Variants in WLS observed in about 807,000 individuals in gnomAD.
WLS encodes the protein Wnt ligand secretion mediator.
A neutral mutation model predicts 62.8 loss-of-function variants in WLS; 23 were observed. The observed-to-expected ratio is 0.37, with a 90% CI of 0.26 to 0.52. WLS has a LOEUF of 0.52. Ranked by LOEUF, WLS falls within the 20% of genes least tolerant of loss-of-function variation. The pLI, the probability that WLS is intolerant of heterozygous loss-of-function variation, is 0.92. For missense variants in WLS, 615 were observed against 697.3 expected, an observed-to-expected ratio of 0.88 and a Z score of 1.33; for synonymous variants, 246 against 244.1, an observed-to-expected ratio of 1.01 and a Z score of -0.07.
intron 1 of WLS, among the ~76,000 whole-genome samples, chr1:68,220,289 CG>C (rs1323258387): frequency 6.6e-6 from 1 of 152,168 alleles, no homozygotes; most frequent in Admixed American, 6.6e-5. Flanking sequence ...ATTGACCTTA[CG>C]AGACACAAGT....
At chr1:68,181,272 G>A (rs940614327) in intron 2 of WLS, among the ~76,000 whole-genome samples, 2 of 152,184 alleles carry the variant, frequency 1.3e-5, no homozygotes, top group Non-Finnish European at 2.9e-5. Context: ...ATACATTGGG[G>A]GCACCATTAA....
intron 11 of WLS, among the ~76,000 whole-genome samples, chr1:68,118,463 G>A (rs1408560625): frequency 6.6e-6 from 1 of 152,138 alleles, no homozygotes; most frequent in East Asian, 1.9e-4. Flanking sequence ...TTTCTGTGTA[G>A]CCTTCATCGC....
intron 11 of WLS, among the ~76,000 whole-genome samples, chr1:68,110,673 C>T (rs1285146614): frequency 3.3e-5 from 5 of 150,392 alleles, no homozygotes. Context: ...CTCTCTCTCT[C>T]TCTCTCTCTC....
chr1:68,123,688 C>A (rs533476609), downstream of WLS, among the ~76,000 whole-genome samples: 1 of 152,180 alleles, frequency 6.6e-6, no homozygotes, highest in African/African-American at 2.4e-5. Context: ...ATAAGGTAGG[C>A]CCCAAGCAGC....
At chr1:68,166,594 C>G (rs1448243169) in intron 2 of WLS, among the ~76,000 whole-genome samples, 2 of 152,196 alleles carry the variant, frequency 1.3e-5, no homozygotes, top group African/African-American at 4.8e-5. Context: ...ATCAAGCATA[C>G]TTGGTCAAAG....
chr1:68,152,591 T>C (rs561448840), intron 5 of WLS, among the ~76,000 whole-genome samples: 1 of 152,334 alleles, frequency 6.6e-6, no homozygotes, highest in East Asian at 1.9e-4. Context: ...TGAAGGTTGT[T>C]GGTGATCCCG....
At chr1:68,198,151 A>G (rs1648780546) in intron 1 of WLS, among the ~76,000 whole-genome samples, 1 of 152,194 alleles carries the variant, frequency 6.6e-6, no homozygotes, top group Non-Finnish European at 1.5e-5. Flanking sequence ...AACTGAAAAC[A>G]AGTAGGCCAA....
In WLS at chr1:68,172,311, TAA is replaced by T. The variant is rs1553131588; in HGVS notation, c.380-13066_380-13065del. ...TGTATCCCAGAACTTAAAGTATAAT[TAA>T]AAAAAAAAAATACTCAGAGAAGTTC... On this transcript the variant is annotated intron_variant, in intron 2 of 11. Coordinates refer to ENST00000262348, the MANE Select transcript of WLS (RefSeq NM_024911.7). Among the ~76,000 whole-genome samples the T allele has an allele frequency of 7.4e-5, 11 of 148,168 alleles. No homozygotes were observed. The South Asian group carries it at 8.5e-4, about 11-fold the overall frequency.
intron 2 of WLS, among the ~76,000 whole-genome samples, chr1:68,159,487 A>T (rs1646943424): frequency 6.6e-6 from 1 of 151,868 alleles, no homozygotes; most frequent in South Asian, 2.1e-4. Flanking sequence ...ACTCTTCCAG[A>T]GACAGGGGCC....
At chr1:68,152,281 A>G (rs1338744083) in intron 5 of WLS, among the ~76,000 whole-genome samples, 1 of 152,242 alleles carries the variant, frequency 6.6e-6, no homozygotes, top group Non-Finnish European at 1.5e-5. Flanking sequence ...AAAGATACAG[A>G]TTAAGAGTCA....
intron 11 of WLS, among the ~76,000 whole-genome samples, chr1:68,114,784 TATC>T (rs1345085318): frequency 1.3e-5 from 2 of 152,244 alleles, no homozygotes; most frequent in African/African-American, 4.8e-5. Flanking sequence ...AACTGCCAGT[TATC>T]ATACTATGGG....
At chr1:68,204,969 C>A in intron 1 of WLS, among the ~76,000 whole-genome samples, 1 of 152,342 alleles carries the variant, frequency 6.6e-6, no homozygotes, top group Non-Finnish European at 1.5e-5. Context: ...TCCTCCAGAC[C>A]TGAACTGAAC....
intron 1 of WLS, among the ~76,000 whole-genome samples, chr1:68,228,730 C>G (rs924499733): frequency 1.3e-5 from 2 of 148,638 alleles, no homozygotes; most frequent in Non-Finnish European, 3.0e-5. Flanking sequence ...TTTAAAAAAG[C>G]ATTATATAAA....
chr1:68,170,256 C>T (rs1398926625), intron 2 of WLS, among the ~76,000 whole-genome samples: 2 of 150,170 alleles, frequency 1.3e-5, no homozygotes, highest in Non-Finnish European at 1.5e-5. Context: ...ACCTTCGCCT[C>T]CTGGGTTCAA....
At chr1:68,138,281 C>CTGTCTGTCTTCCCAGCTAGA (rs1553127136) in intron 10 of WLS, 1 of 221,824 alleles carries the variant, frequency 4.5e-6, no homozygotes, top group Non-Finnish European at 8.9e-6. Flanking sequence ...TCCTCCTCTG[C>CTGTCTGTCTTCCCAGCTAGA]TGTCTGTCTT....
chr1:68,133,887 T>C (rs147554185), intron 11 of WLS, among the ~76,000 whole-genome samples: 3,812 of 152,312 alleles, frequency 0.025, 60 homozygotes, highest in Middle Eastern at 0.044. Flanking sequence ...AGAAACTGCT[T>C]GTCTGTGCTC....
At chr1:68,177,239 G>A (rs1647296539) in intron 2 of WLS, among the ~76,000 whole-genome samples, 2 of 152,164 alleles carry the variant, frequency 1.3e-5, no homozygotes, top group Admixed American at 1.3e-4. Context: ...CCCTCATCGG[G>A]ATTCATAAAC....
intron 1 of WLS, among the ~76,000 whole-genome samples, chr1:68,229,602 T>C (rs1421577887): frequency 1.3e-5 from 2 of 152,240 alleles, no homozygotes; most frequent in African/African-American, 4.8e-5. Flanking sequence ...TATTCTTTCC[T>C]TAGTTTCCTT....
intron 11 of WLS, among the ~76,000 whole-genome samples, chr1:68,134,784 A>G (rs1237810710): frequency 6.6e-6 from 1 of 152,230 alleles, no homozygotes; most frequent in Non-Finnish European, 1.5e-5. Flanking sequence ...GTCTTTGATG[A>G]AAAACTCTGT....
Sources: allele counts gnomAD v4.1 joint callset (sites outside exome capture counted in the v4.1 genomes callset), GRCh38; gene constraint gnomAD v4.1.1; transcripts MANE v1.5; gene names NCBI Gene and HGNC (gene_info 2026-07-23, HGNC 2026-07-21).